Variants in ERC1 observed in about 807,000 individuals in gnomAD.
ERC1 encodes RAB6 interacting protein 2.
Under a neutral mutation model 132.0 loss-of-function variants are expected in ERC1, and 56 were observed. The observed-to-expected ratio is 0.42, with a 90% CI of 0.34 to 0.53. ERC1 has a LOEUF of 0.53. ERC1 is among the 20% of genes least tolerant of loss of function. ERC1 has a pLI of 0.03. For synonymous variants in ERC1, 478 were observed against 476.1 expected (o/e 1.00, Z -0.05); for missense variants, 1,202 against 1,349.9 (o/e 0.89, Z 1.72).
intron 15 of ERC1, among the ~76,000 whole-genome samples, chr12:1,327,202 C>G (rs549267736): frequency 5.4e-5 from 8 of 149,236 alleles, no homozygotes; most frequent in Middle Eastern, 3.4e-3. Context: ...GAGGCCCACT[C>G]TGGAAAAGAA....
rs2084076207 is a variant in ERC1 at position 1,343,051 on chromosome 12, A to AATC, written c.2781-28780_2781-28778dup. ...CACAACTCCTTCCAGCCCCTAAACT[A>AATC]ATCAGTCCGGGCATTAGAGAGCTTT... is the stretch of plus-strand genomic sequence containing the variant. On this transcript the variant is annotated intron_variant, in intron 15 of 18. Transcript: ENST00000360905. 2.0e-5 allele frequency among the ~76,000 whole-genome samples: 3 copies of AATC among 152,278 alleles called. No homozygotes were observed. In the South Asian group the frequency reaches 6.2e-4, roughly 32 times the overall value.
At position 1,494,329 on chromosome 12, in the gene ERC1, A is replaced by T. The variant is rs1033628300; in HGVS notation, c.*4099A>T. On this transcript the variant is annotated 3_prime_UTR_variant, in exon 19 of 19. Coordinates refer to ENST00000360905, the MANE Select transcript of ERC1 (RefSeq NM_178040.4). ...GCTCAGGAGGGGACGTGAACCACTC[A>T]AAGGAATGTCTTAAAGAGGATCTGG... The T allele has an allele frequency of 4.3e-6, 1 of 231,628 alleles. No homozygotes were observed. The highest frequency in any genetic ancestry group is 8.5e-6 in the Non-Finnish European group (1 of 117,020). The allele number at this position is 231,628 out of a possible 1,614,324, so 14.3% of individuals were successfully genotyped here.
chr12:1,436,294 C>T lies in ERC1; in HGVS notation c.3025-8268C>T, dbSNP rs779815041. On this transcript the variant is annotated intron_variant, in intron 17 of 18. Coordinates refer to ENST00000360905, the MANE Select transcript of ERC1 (RefSeq NM_178040.4). ...TTTGTACAGATAAACTATCAAATCTCATAGTGACTAGACAGTCATACTTGG... is the reference window on the plus strand; with the variant it reads ...TTTGTACAGATAAACTATCAAATCTTATAGTGACTAGACAGTCATACTTGG... Among the ~76,000 whole-genome samples the T allele has an allele frequency of 3.0e-4, 46 of 152,332 alleles. 1 individual carries two copies. Among genetic ancestry groups the T allele is most frequent in the South Asian group, 1.5e-3 (7 of 4,826 alleles).
At chr12:1,131,574 G>GC in intron 7 of ERC1, among the ~76,000 whole-genome samples, 1 of 152,058 alleles carries the variant, frequency 6.6e-6, no homozygotes, top group Non-Finnish European at 1.5e-5. Flanking sequence ...CCATTCTCCT[G>GC]CCTTAGCCTC....
intron 15 of ERC1, among the ~76,000 whole-genome samples, chr12:1,302,553 T>C (rs1043346182): frequency 1.3e-5 from 2 of 152,212 alleles, no homozygotes; most frequent in Non-Finnish European, 1.5e-5. Flanking sequence ...TAAACATGGT[T>C]GTTTAGGGCA....
At chr12:1,108,283 G>A (rs936593683) in intron 4 of ERC1, among the ~76,000 whole-genome samples, 1 of 152,138 alleles carries the variant, frequency 6.6e-6, no homozygotes, top group African/African-American at 2.4e-5. Flanking sequence ...CTGTGTTTAG[G>A]GTAGGGGAGA....
chr12:1,112,342 A>T (rs2154208045), intron 6 of ERC1, 44 bp downstream of exon 6: 7 of 1,354,300 alleles, frequency 5.2e-6, no homozygotes, highest in Non-Finnish European at 5.3e-6. Flanking sequence ...GTGGTCCCAC[A>T]GTGGGACCCT....
chr12:1,160,087 T>C (rs564809130), intron 8 of ERC1, among the ~76,000 whole-genome samples: 1 of 97,450 alleles, frequency 1.0e-5, no homozygotes, highest in East Asian at 2.1e-4. Flanking sequence ...AACAGTAATT[T>C]AGTCTGACAA....
At chr12:1,240,553 T>C (rs1000630880) in intron 13 of ERC1, among the ~76,000 whole-genome samples, 6 of 152,170 alleles carry the variant, frequency 3.9e-5, no homozygotes, top group African/African-American at 1.4e-4. Context: ...TCTGGGTTCA[T>C]TTCTTAGCCA....
chr12:1,121,745 A>G lies in ERC1; in HGVS notation c.1569+5712A>G, dbSNP rs11611525. ...TCTATCTCTATCTCTATCTCTATCTATCTCTATCTCTATCTCTATCTATCT... is the reference window on the plus strand; with the variant it reads ...TCTATCTCTATCTCTATCTCTATCTGTCTCTATCTCTATCTCTATCTATCT... On this transcript the variant is annotated intron_variant, in intron 7 of 18. Coordinates refer to ENST00000360905, the MANE Select transcript of ERC1 (RefSeq NM_178040.4). Among the ~76,000 whole-genome samples, 45 of 4,784 alleles carry G rather than the reference A, an allele frequency of 9.4e-3. 6 individuals are homozygous for G. The East Asian group carries it at 0.33, about 35-fold the overall frequency. 3.1% of individuals were successfully genotyped at this position (4,784 alleles called of 152,430 possible). A position where few individuals can be genotyped will look rare whatever the true frequency, so the allele number is the denominator to read the frequency against.
intron 15 of ERC1, among the ~76,000 whole-genome samples, chr12:1,291,006 T>G (rs903597322): frequency 6.6e-6 from 1 of 152,206 alleles, no homozygotes; most frequent in Non-Finnish European, 1.5e-5. Flanking sequence ...CTCCAACTAG[T>G]GCTTTAAACT....
At chr12:1,488,140 GAAAAAAAAAAA>G (rs34258622) in intron 18 of ERC1, among the ~76,000 whole-genome samples, 2 of 68,170 alleles carry the variant, frequency 2.9e-5, no homozygotes, top group East Asian at 5.2e-4. Context: ...TCACGTCTCA[GAAAAAAAAAAA>G]AAAAAAAAAA....
intron 8 of ERC1, among the ~76,000 whole-genome samples, chr12:1,172,383 A>G (rs1259838850): frequency 6.6e-6 from 1 of 152,102 alleles, no homozygotes; most frequent in Non-Finnish European, 1.5e-5. Context: ...CTGGAGGATT[A>G]CTCGTGCTCA....
At chr12:1,043,379 G>A (rs919407016) in intron 2 of ERC1, among the ~76,000 whole-genome samples, 3 of 152,044 alleles carry the variant, frequency 2.0e-5, no homozygotes, top group East Asian at 1.9e-4. Context: ...GCAGGTAAAA[G>A]GTTATTTACT....
At chr12:1,125,538 G>A (rs745775017) in intron 7 of ERC1, among the ~76,000 whole-genome samples, 3 of 152,028 alleles carry the variant, frequency 2.0e-5, no homozygotes, top group South Asian at 2.1e-4. Context: ...GCAGTCGGCC[G>A]GGCACGGTGG....
chr12:1,100,033 A>G (rs932343641), intron 3 of ERC1, among the ~76,000 whole-genome samples: 2 of 151,766 alleles, frequency 1.3e-5, no homozygotes, highest in Non-Finnish European at 2.9e-5. Flanking sequence ...TATTTTTAGT[A>G]GAGATAAGAT....
chr12:1,385,733 C>G (rs530392832), intron 16 of ERC1: 1 of 152,196 alleles, frequency 6.6e-6, no homozygotes, highest in South Asian at 2.1e-4. Flanking sequence ...TCCCTAAGCC[C>G]GCATTGTCCT....
At chr12:1,438,327 G>A (rs1057438490) in intron 17 of ERC1, among the ~76,000 whole-genome samples, 3 of 152,174 alleles carry the variant, frequency 2.0e-5, no homozygotes, top group African/African-American at 4.8e-5. Flanking sequence ...CTCCGCTGGG[G>A]CCTCTGGATA....
chr12:1,369,438 A>G (rs2086970905), intron 15 of ERC1, among the ~76,000 whole-genome samples: 1 of 152,220 alleles, frequency 6.6e-6, no homozygotes, highest in Non-Finnish European at 1.5e-5. Context: ...AGGTGCTGGT[A>G]TTTCAATCTA....
Sources: gnomAD v4.1 joint callset for allele counts (sites outside exome capture counted in the v4.1 genomes callset) on GRCh38, gnomAD v4.1.1 for gene constraint, MANE v1.5 for transcripts, NCBI Gene and HGNC (gene_info 2026-07-23, HGNC 2026-07-21) for gene names.